Variants in CELF2 observed in about 807,000 individuals in gnomAD.
The protein encoded by CELF2 is CUG triplet repeat RNA-binding protein 2.
In CELF2, 8 loss-of-function variants were observed where a neutral mutation model predicts 62.6. That is an observed-to-expected ratio of 0.13 (90% CI 0.07 to 0.23). CELF2 has a LOEUF of 0.23. CELF2 is among the 10% of genes least tolerant of loss of function. The pLI, the probability that CELF2 is intolerant of heterozygous loss-of-function variation, is 1.00. For synonymous variants in CELF2, 258 were observed against 250.0 expected (o/e 1.03, Z -0.30); for missense variants, 333 against 671.0 (o/e 0.50, Z 5.56).
chr10:10,977,975 A>G (rs1236877182), intron 2 of CELF2, among the ~76,000 whole-genome samples: 3 of 151,988 alleles, frequency 2.0e-5, no homozygotes, highest in Non-Finnish European at 4.4e-5. Context: ...GCTATTACAT[A>G]GAAGTTAATA....
intron 1 of CELF2, among the ~76,000 whole-genome samples, chr10:11,023,356 A>G (rs2058652444): frequency 6.6e-6 from 1 of 152,256 alleles, no homozygotes; most frequent in African/African-American, 2.4e-5. Flanking sequence ...TTCCTTAAGA[A>G]ACAGCTCTTG....
Position 11,018,150 on chromosome 10 carries a change from G to T in CELF2, c.61G>T (p.Val21Phe). Reference protein sequence around the residue: ...PDMMVEGRLLVPDRINGTANK... With the variant: ...PDMMVEGRLLFPDRINGTANK... ...CATGATGGTCGAGGGCCGCCTGCTC[G>T]TTCCTGACAGAATGTGAGTGGCGCC... Residue 21 changes from valine (V) to phenylalanine (F), a missense_variant, in exon 1 of 13, where the codon GTT (valine) becomes TTT (phenylalanine). Physicochemically the swap from Val to Phe is conservative, Grantham distance 50. Coordinates refer to ENST00000633077, the MANE Select transcript of CELF2 (RefSeq NM_001326342.2). 2.0e-6 allele frequency: 3 copies of T among 1,522,822 alleles called. No homozygotes were observed. The highest frequency in any genetic ancestry group is 2.6e-6 in the Non-Finnish European group (3 of 1,132,802). The allele number at this position is 1,522,822 out of a possible 1,614,324, so 94.3% of individuals were successfully genotyped here.
At chr10:10,624,595 ACCACGCC>A in the CELF2 span, among the ~76,000 whole-genome samples, 2 of 152,216 alleles carry the variant, frequency 1.3e-5, no homozygotes, top group East Asian at 3.9e-4. Context: ...GGCATGAGCC[ACCACGCC>A]CAGCATCATG....
At chr10:10,591,142 A>C in the CELF2 span, among the ~76,000 whole-genome samples, 34,988 of 152,172 alleles carry the variant, frequency 0.23, 4,766 homozygotes, top group South Asian at 0.51. Flanking sequence ...GTTAAGACAT[A>C]AAAGAGCTCA....
At chr10:11,111,270 A>G (rs1273238882) in intron 1 of CELF2, among the ~76,000 whole-genome samples, 3 of 152,252 alleles carry the variant, frequency 2.0e-5, no homozygotes, top group Non-Finnish European at 4.4e-5. Context: ...CAAATCGACC[A>G]AACAAAACTG....
At chr10:10,507,594 G>A in the CELF2 span, among the ~76,000 whole-genome samples, 1 of 152,284 alleles carries the variant, frequency 6.6e-6, no homozygotes, top group Admixed American at 6.5e-5. Context: ...AGAAAGGGGA[G>A]ACACAAAATT....
the CELF2 span, among the ~76,000 whole-genome samples, chr10:10,677,514 G>A: frequency 2.0e-5 from 3 of 152,116 alleles, no homozygotes; most frequent in Non-Finnish European, 4.4e-5. Flanking sequence ...TATCCCTGGG[G>A]CCCCAATACT....
At chr10:10,869,723 A>G (rs745376215) in intron 1 of CELF2, among the ~76,000 whole-genome samples, 13 of 152,158 alleles carry the variant, frequency 8.5e-5, no homozygotes, top group Non-Finnish European at 1.6e-4. Context: ...TTACTTTCGT[A>G]TGGTGTCTAC....
At chr10:11,108,615 A>C (rs1414514340) in intron 1 of CELF2, among the ~76,000 whole-genome samples, 1 of 152,172 alleles carries the variant, frequency 6.6e-6, no homozygotes, top group Non-Finnish European at 1.5e-5. Context: ...GCGCAAGCAC[A>C]CTTAACTTCA....
chr10:10,651,660 C>G, the CELF2 span, among the ~76,000 whole-genome samples: 588 of 150,002 alleles, frequency 3.9e-3, 4 homozygotes, highest in African/African-American at 0.014. Flanking sequence ...AGCTGAGGGT[C>G]CTGTCTGTTA....
At chr10:10,479,608 T>A in the CELF2 span, among the ~76,000 whole-genome samples, 1 of 152,192 alleles carries the variant, frequency 6.6e-6, no homozygotes, top group African/African-American at 2.4e-5. Flanking sequence ...AGCTCTGTTT[T>A]TTCTAAGGTA....
At chr10:10,657,617 G>T in the CELF2 span, among the ~76,000 whole-genome samples, 2 of 152,064 alleles carry the variant, frequency 1.3e-5, no homozygotes, top group Non-Finnish European at 2.9e-5. Context: ...CATGTAATAT[G>T]AATCCAATTA....
intron 1 of CELF2, among the ~76,000 whole-genome samples, chr10:10,862,735 G>A (rs1207935404): frequency 1.3e-5 from 2 of 152,146 alleles, no homozygotes; most frequent in East Asian, 3.8e-4. Flanking sequence ...AATGTTGAGA[G>A]TACCTGCTTT....
rs552436939 is a variant in CELF2 at position 11,054,726 on chromosome 10, G to T, written c.74+36563G>T. Among the ~76,000 whole-genome samples, 9 of 152,150 alleles carry T rather than the reference G, an allele frequency of 5.9e-5. 1 individual carries two copies. In the South Asian group the frequency reaches 1.2e-3, roughly 21 times the overall value. On this transcript the variant is annotated intron_variant, in intron 1 of 12. Coordinates refer to ENST00000633077, the MANE Select transcript of CELF2 (RefSeq NM_001326342.2). ...AAGAAAAAGACTTTCTTTTCTAGTG[G>T]TTTTTTTCTTTGGAGTCTTGCTCTG...
chr10:10,567,499 G>A, the CELF2 span, among the ~76,000 whole-genome samples: 6 of 152,060 alleles, frequency 3.9e-5, no homozygotes, highest in African/African-American at 1.2e-4. Flanking sequence ...AGAATGGGGC[G>A]GGAAAATAAG....
At chr10:10,973,241 A>T (rs1384034863) in intron 2 of CELF2, among the ~76,000 whole-genome samples, 1 of 151,770 alleles carries the variant, frequency 6.6e-6, no homozygotes, top group Non-Finnish European at 1.5e-5. Context: ...AGACCACACC[A>T]CTGCACTCCA....
At chr10:10,479,408 C>A in the CELF2 span, among the ~76,000 whole-genome samples, 286 of 152,264 alleles carry the variant, frequency 1.9e-3, 3 homozygotes, top group African/African-American at 6.5e-3. Context: ...ACCTCGTGAT[C>A]CACCTACCTC....
intron 2 of CELF2, among the ~76,000 whole-genome samples, chr10:10,940,704 T>C (rs1177144499): frequency 6.6e-6 from 1 of 152,200 alleles, no homozygotes; most frequent in Non-Finnish European, 1.5e-5. Context: ...TACATAGTAG[T>C]TGTAACCTGA....
the CELF2 span, among the ~76,000 whole-genome samples, chr10:10,601,917 G>A: frequency 6.6e-6 from 1 of 151,736 alleles, no homozygotes; most frequent in Non-Finnish European, 1.5e-5. Flanking sequence ...GGGCCCCAGT[G>A]TGTGTTATTC....
Sources: allele counts gnomAD v4.1 joint callset (sites outside exome capture counted in the v4.1 genomes callset), GRCh38; gene constraint gnomAD v4.1.1; transcripts MANE v1.5; gene names NCBI Gene and HGNC (gene_info 2026-07-23, HGNC 2026-07-21).